Variants in TRMT1L observed in about 807,000 individuals in gnomAD.
TRMT1L encodes the protein tRNA (guanine(27)-N(2))-dimethyltransferase.
A neutral mutation model predicts 81.6 loss-of-function variants in TRMT1L; 28 were observed. The ratio of observed to expected loss-of-function variants is 0.34; its 90% CI spans 0.25 to 0.47. The LOEUF (loss-of-function observed/expected upper bound fraction) is 0.47. TRMT1L is among the 20% of genes least tolerant of loss of function. The probability of loss-of-function intolerance (pLI) is 1.00; values close to 1 mark genes in which losing one functional copy is unlikely to be tolerated. For missense variants in TRMT1L, 739 were observed against 877.1 expected (o/e 0.84, Z 1.99); for synonymous variants, 301 against 303.2 (o/e 0.99, Z 0.07).
At position 185,146,098 on chromosome 1, in the gene TRMT1L, T is replaced by C. The variant is rs962573099; in HGVS notation, c.526-530A>G. 1.8e-4 allele frequency among the ~76,000 whole-genome samples: 28 copies of C among 152,142 alleles called. 1 individual carries two copies. Among genetic ancestry groups the C allele is most frequent in the Admixed American group, 1.4e-3 (21 of 15,284 alleles). On this transcript the variant is annotated intron_variant, in intron 4 of 14. Transcript: ENST00000367506. ...CATAACAGATGTAAATAACTGTAAG[T>C]GCACAGATAATATTAAAATACAGGA...
intron 11 of TRMT1L, 93 bp from the exon 12 acceptor site, chr1:185,125,203 A>T: frequency 1.2e-6 from 1 of 818,676 alleles, no homozygotes; most frequent in Non-Finnish European, 1.8e-6. Flanking sequence ...TAAGATATAT[A>T]ATTAATTATA....
chr1:185,121,740 T>G (rs1183061021), intron 13 of TRMT1L, among the ~76,000 whole-genome samples: 1 of 152,114 alleles, frequency 6.6e-6, no homozygotes, highest in East Asian at 1.9e-4. Flanking sequence ...ATCAGCAGTA[T>G]ATAGATTTTT....
chr1:185,126,782 G>C (rs770884773), intron 11 of TRMT1L, among the ~76,000 whole-genome samples: 1 of 152,098 alleles, frequency 6.6e-6, no homozygotes, highest in Non-Finnish European at 1.5e-5. Flanking sequence ...GAGGTGGGTG[G>C]AGTCAGGAGT....
At chr1:185,151,201 T>C (rs2102259277) in intron 2 of TRMT1L, among the ~76,000 whole-genome samples, 1 of 152,350 alleles carries the variant, frequency 6.6e-6, no homozygotes, top group Middle Eastern at 3.4e-3. Context: ...CAATAAAATA[T>C]ACAGCAAGAA....
chr1:185,142,610 G>C (rs1411759511), intron 7 of TRMT1L, among the ~76,000 whole-genome samples: 5 of 146,628 alleles, frequency 3.4e-5, no homozygotes, highest in Admixed American at 2.7e-4. Flanking sequence ...GACACAACCA[G>C]ACATCAGGTG....
At chr1:185,136,882 C>T (rs947405738) in intron 10 of TRMT1L, among the ~76,000 whole-genome samples, 1 of 152,046 alleles carries the variant, frequency 6.6e-6, no homozygotes, top group African/African-American at 2.4e-5. Flanking sequence ...CTATTCAATA[C>T]AACCTAATCT....
Position 185,145,535 on chromosome 1 carries a change from T to C in TRMT1L, c.559A>G (p.Ile187Val), listed in dbSNP as rs748606267. The stretch of plus-strand genomic sequence containing the variant: ...CTGGTGATTGTTGCTGAACAAATGA[T>C]ACAATGATAATGGGCTCCCATTTTA... ...TSKMGAHYHC[I>V]ICSATITRRT... The change falls in exon 5 of 15, where the codon ATC (isoleucine) becomes GTC (valine). Residue 187 changes from isoleucine (I) to valine (V), a missense_variant. Ile to Val is a conservative substitution (Grantham distance 29). This residue lies in a region of TRMT1L where 331 missense variants were observed against 462.2 expected (regional missense o/e 0.72). Coordinates refer to ENST00000367506, the MANE Select transcript of TRMT1L (RefSeq NM_030934.5). The C allele has an allele frequency of 6.2e-7, 1 of 1,612,114 alleles. No individual in the cohort carries two copies. Among genetic ancestry groups the C allele is most frequent in the Non-Finnish European group, 8.5e-7 (1 of 1,178,674 alleles).
Position 185,156,542 on chromosome 1 carries a change from A to AGGGGCT in TRMT1L, c.165_170dup (p.Pro57_Ala58dup), listed in dbSNP as rs760284863. On this transcript the variant is annotated inframe_insertion, in exon 1 of 15. Coordinates refer to ENST00000367506, the MANE Select transcript of TRMT1L (RefSeq NM_030934.5). ...ACAGGGCCGGAGCCTGGGCCAGGGC[A>AGGGGCT]GGGGCTGGGGCTGGAGCCGAGGCCG... The AGGGGCT allele has an allele frequency of 1.9e-6, 3 of 1,611,020 alleles. No homozygotes were observed. The highest frequency in any genetic ancestry group is 2.5e-6 in the Non-Finnish European group (3 of 1,178,688).
At chr1:185,135,099 T>A (rs1652861272) in intron 10 of TRMT1L, among the ~76,000 whole-genome samples, 1 of 152,082 alleles carries the variant, frequency 6.6e-6, no homozygotes, top group Admixed American at 6.6e-5. Flanking sequence ...ATATACATAT[T>A]TACTACTAAA....
intron 1 of TRMT1L, among the ~76,000 whole-genome samples, chr1:185,152,771 A>C (rs1653397586): frequency 6.6e-6 from 1 of 152,232 alleles, no homozygotes; most frequent in South Asian, 2.1e-4. Context: ...TGGTATATTA[A>C]GCAAACAAGA....
Position 185,128,704 on chromosome 1 carries a change from C to T in TRMT1L, c.1557G>A (p.Met519Ile). 6.2e-7 allele frequency: 1 copy of T among 1,612,056 alleles called. No homozygotes were observed. The change falls in exon 11 of 15, where the codon ATG becomes ATA. Residue 519 changes from methionine to isoleucine, a missense_variant. Coordinates refer to ENST00000367506, the MANE Select transcript of TRMT1L (RefSeq NM_030934.5). ...RQLPCNCHGS[M>I]PGKTAIELGP... ...CAAGTTCTATTGCTGTCTTTCCAGG[C>T]ATGCTTCCATGACAGTTACAAGGCA... is the stretch of plus-strand genomic sequence containing the variant.
intron 4 of TRMT1L, among the ~76,000 whole-genome samples, chr1:185,146,461 A>T (rs1357682747): frequency 6.6e-6 from 1 of 152,066 alleles, no homozygotes; most frequent in East Asian, 1.9e-4. Context: ...ATAGTGAAGC[A>T]CATTACCCAA....
intron 2 of TRMT1L, among the ~76,000 whole-genome samples, chr1:185,151,011 C>T (rs913256006): frequency 2.0e-5 from 3 of 152,112 alleles, no homozygotes; most frequent in Non-Finnish European, 2.9e-5. Flanking sequence ...TGAGACGGGG[C>T]GCATAGTTAC....
At chr1:185,134,201 G>T (rs77294613) in intron 10 of TRMT1L, among the ~76,000 whole-genome samples, 27 of 151,354 alleles carry the variant, frequency 1.8e-4, no homozygotes, top group Admixed American at 1.6e-3. Context: ...TTCTTTTTTT[G>T]AGAGGGAGTC....
At chr1:185,157,098 T>A, upstream of TRMT1L, 1 of 183,144 alleles carries the variant, frequency 5.5e-6, no homozygotes, top group Non-Finnish European at 1.2e-5. Flanking sequence ...CTGCGCAGTC[T>A]GGGGGCGGGG....
intron 7 of TRMT1L, among the ~76,000 whole-genome samples, chr1:185,143,122 A>C (rs986938755): frequency 1.3e-5 from 2 of 152,174 alleles, no homozygotes; most frequent in Admixed American, 1.3e-4. Flanking sequence ...ATGAGGTATG[A>C]GGACAATGAG....
intron 10 of TRMT1L, among the ~76,000 whole-genome samples, chr1:185,134,990 G>A (rs144780517): frequency 3.3e-5 from 5 of 152,152 alleles, no homozygotes; most frequent in African/African-American, 1.2e-4. Flanking sequence ...ACAAAAATTA[G>A]GAAGGGAAAA....
At chr1:185,131,036 G>A (rs1372502161) in intron 10 of TRMT1L, among the ~76,000 whole-genome samples, 1 of 151,348 alleles carries the variant, frequency 6.6e-6, no homozygotes, top group African/African-American at 2.4e-5. Flanking sequence ...GTCTCGCTTT[G>A]TTGCCTAGGC....
chr1:185,133,545 G>A (rs572017171), intron 10 of TRMT1L, among the ~76,000 whole-genome samples: 8 of 151,244 alleles, frequency 5.3e-5, no homozygotes, highest in Non-Finnish European at 1.2e-4. Flanking sequence ...GGTTACAAAA[G>A]ACCTCTTCTA....
Sources: allele counts gnomAD v4.1 joint callset (sites outside exome capture counted in the v4.1 genomes callset), GRCh38; gene constraint gnomAD v4.1.1; regional missense constraint gnomAD v4.1.1; transcripts MANE v1.5; gene names NCBI Gene and HGNC (gene_info 2026-07-23, HGNC 2026-07-21).